HMOX2: variants seen among roughly 807,000 people sequenced by gnomAD.
The protein encoded by HMOX2 is heme oxygenase (decycling) 2.
A neutral mutation model predicts 33.7 loss-of-function variants in HMOX2; 30 were observed. That is an observed-to-expected ratio of 0.89 (90% CI 0.67 to 1.21). The LOEUF is 1.21. HMOX2 is among the 50% of genes most tolerant of loss of function. HMOX2 has a pLI of 0.00. For synonymous variants in HMOX2, 155 were observed against 155.0 expected (o/e 1.00, Z 0.00); for missense variants, 403 against 399.1 (o/e 1.01, Z -0.08).
chr16:4,476,343 C>A (rs1387552941), upstream of HMOX2: 1 of 152,302 alleles, frequency 6.6e-6, no homozygotes, highest in Non-Finnish European at 1.5e-5. Flanking sequence ...GGCGTGTCAT[C>A]TCTAGGCCCC....
chr16:4,484,460 CTT>C (rs58092240), intron 1 of HMOX2, among the ~76,000 whole-genome samples: 46 of 118,258 alleles, frequency 3.9e-4, no homozygotes, highest in African/African-American at 1.3e-3. Flanking sequence ...CTTTTCTTTT[CTT>C]TTTTTTTTTT....
At chr16:4,507,132 C>T (rs1328449009) in intron 3 of HMOX2, 120 bp downstream of exon 3, 2 of 717,768 alleles carry the variant, frequency 2.8e-6, no homozygotes, top group African/African-American at 1.8e-5. Flanking sequence ...CTCCACACTC[C>T]ATTCCTTCTT....
In HMOX2 at chr16:4,505,520, C is replaced by T. The variant is rs17884406; in HGVS notation, c.-5C>T. 6.2e-7 allele frequency: 1 copy of T among 1,602,710 alleles called. No individual in the cohort carries two copies. The highest frequency in any genetic ancestry group is 8.5e-7 in the Non-Finnish European group (1 of 1,173,704). ...CGAGAGCAGCAAGAACCACACCCAG[C>T]AGCAATGTCAGCGGAAGTGGAAACC... On this transcript the variant is annotated 5_prime_UTR_variant, in exon 2 of 6. Coordinates refer to ENST00000570646, the MANE Select transcript of HMOX2 (RefSeq NM_002134.4).
intron 1 of HMOX2, among the ~76,000 whole-genome samples, chr16:4,503,628 A>G (rs2058614712): frequency 6.6e-6 from 1 of 152,238 alleles, no homozygotes; most frequent in African/African-American, 2.4e-5. Flanking sequence ...GCATTGTGCT[A>G]TATGAGTTAT....
intron 1 of HMOX2, among the ~76,000 whole-genome samples, chr16:4,494,730 T>C (rs1047361988): frequency 1.3e-5 from 2 of 152,090 alleles, no homozygotes; most frequent in African/African-American, 4.8e-5. Context: ...AATACAAAAA[T>C]TAGCCAGGTG....
intron 1 of HMOX2, among the ~76,000 whole-genome samples, chr16:4,498,900 C>T (rs537194483): frequency 2.0e-5 from 3 of 152,292 alleles, no homozygotes; most frequent in South Asian, 2.1e-4. Flanking sequence ...TCTGTTATCT[C>T]GTGCCTTGTT....
chr16:4,477,776 AC>A (rs1367318045), intron 1 of HMOX2, among the ~76,000 whole-genome samples: 1 of 151,692 alleles, frequency 6.6e-6, no homozygotes, highest in Non-Finnish European at 1.5e-5. Context: ...AAAAAGTTAA[AC>A]GGGCGGGGTG....
Position 4,508,005 on chromosome 16 carries a change from T to C in HMOX2, c.497T>C (p.Val166Ala). The C allele has an allele frequency of 1.9e-6, 3 of 1,613,868 alleles. No individual in the cohort carries two copies. The highest frequency in any genetic ancestry group is 1.7e-6 in the Non-Finnish European group (2 of 1,179,954). Reference sequence around the variant, plus strand: ...ATGGGGGATCTCTCGGGGGGCCAGGTGCTGAAGAAGGTGGCCCAGCGAGCA... The same window carrying C: ...ATGGGGGATCTCTCGGGGGGCCAGGCGCTGAAGAAGGTGGCCCAGCGAGCA... ...RYMGDLSGGQ[V>A]LKKVAQRALK... Residue 166 changes from valine (V) to alanine (A), a missense_variant, in exon 4 of 6, where the codon GTG becomes GCG. Coordinates refer to ENST00000570646, the MANE Select transcript of HMOX2 (RefSeq NM_002134.4).
chr16:4,508,243 G>A (rs1298668339), intron 4 of HMOX2, 39 bp downstream of exon 4: 2 of 1,561,072 alleles, frequency 1.3e-6, no homozygotes, highest in African/African-American at 2.7e-5. Context: ...GCTGAAGAGG[G>A]AAACTTTGAC....
At chr16:4,501,021 C>G (rs2058544943) in intron 1 of HMOX2, among the ~76,000 whole-genome samples, 1 of 152,030 alleles carries the variant, frequency 6.6e-6, no homozygotes, top group Admixed American at 6.6e-5. Context: ...ACTGGCCTTT[C>G]TAGAATTTGT....
chr16:4,509,809 C>T lies in HMOX2; in HGVS notation c.*53C>T. ...TCCTCCCGACTGACCACTGGCCTAC[C>T]CCTTTCTCCAGCCCTGACTAAACTA... is the stretch of plus-strand genomic sequence containing the variant. On this transcript the variant is annotated 3_prime_UTR_variant, in exon 6 of 6. Coordinates refer to ENST00000570646, the MANE Select transcript of HMOX2 (RefSeq NM_002134.4). The T allele has an allele frequency of 6.4e-7, 1 of 1,569,978 alleles. No individual in the cohort carries two copies. Among genetic ancestry groups the T allele is most frequent in the Non-Finnish European group, 8.7e-7 (1 of 1,152,708 alleles).
chr16:4,507,771 A>G lies in HMOX2; in HGVS notation c.263A>G (p.Asn88Ser). The change falls in exon 4 of 6, where the codon AAC becomes AGC. Residue 88 changes from asparagine (N) to serine (S), a missense_variant. Transcript: ENST00000570646. Reference sequence around the variant, plus strand: ...GCCCTCGAGGAGGAAATGGAGCGCAACAAGGACCATCCAGCCTTTGCCCCT... The same window carrying G: ...GCCCTCGAGGAGGAAATGGAGCGCAGCAAGGACCATCCAGCCTTTGCCCCT... ...YSALEEEMERNKDHPAFAPLY... is the reference protein window; with the variant it reads ...YSALEEEMERSKDHPAFAPLY... 6.2e-7 allele frequency: 1 copy of G among 1,614,174 alleles called. No homozygotes were observed. Among genetic ancestry groups the G allele is most frequent in the Non-Finnish European group, 8.5e-7 (1 of 1,180,014 alleles).
At chr16:4,507,208 G>A (rs1325180212) in intron 3 of HMOX2, among the ~76,000 whole-genome samples, 196 bp downstream of exon 3, 1 of 152,150 alleles carries the variant, frequency 6.6e-6, no homozygotes, top group Non-Finnish European at 1.5e-5. Flanking sequence ...ACTTTGGGAG[G>A]CCGAGGCAGG....
At chr16:4,500,757 C>T (rs1008401004) in intron 1 of HMOX2, among the ~76,000 whole-genome samples, 4 of 152,212 alleles carry the variant, frequency 2.6e-5, no homozygotes, top group Non-Finnish European at 4.4e-5. Flanking sequence ...GGTAGTGCCT[C>T]ATGCCAGCAA....
At chr16:4,499,143 G>GT (rs1220209087) in intron 1 of HMOX2, among the ~76,000 whole-genome samples, 2 of 152,196 alleles carry the variant, frequency 1.3e-5, no homozygotes, top group African/African-American at 4.8e-5. Flanking sequence ...CTTCCTCAGT[G>GT]TTTAACAATC....
At chr16:4,481,050 G>A (rs1467974861) in intron 1 of HMOX2, among the ~76,000 whole-genome samples, 6 of 151,346 alleles carry the variant, frequency 4.0e-5, no homozygotes, top group African/African-American at 1.5e-4. Flanking sequence ...GTACTAGTGT[G>A]ATTAAAACAA....
chr16:4,475,320 T>A (rs561001260), upstream of HMOX2, among the ~76,000 whole-genome samples: 22 of 151,692 alleles, frequency 1.5e-4, no homozygotes, highest in Non-Finnish European at 2.5e-4. Flanking sequence ...GTTTTTTGTT[T>A]TCAAGGTGGA....
upstream of HMOX2, among the ~76,000 whole-genome samples, chr16:4,475,324 A>G (rs2057788651): frequency 6.6e-6 from 1 of 150,672 alleles, no homozygotes; most frequent in South Asian, 2.1e-4. Flanking sequence ...TTTGTTTTCA[A>G]GGTGGAGTCT....
chr16:4,497,812 G>A (rs2058459329), intron 1 of HMOX2, among the ~76,000 whole-genome samples: 1 of 152,040 alleles, frequency 6.6e-6, no homozygotes, highest in African/African-American at 2.4e-5. Context: ...TGCCCAGGAT[G>A]GTGTTGAACT....
Sources: allele counts gnomAD v4.1 joint callset (sites outside exome capture counted in the v4.1 genomes callset), GRCh38; gene constraint gnomAD v4.1.1; transcripts MANE v1.5; gene names NCBI Gene and HGNC (gene_info 2026-07-23, HGNC 2026-07-21).